The following HTR4 variants were observed in gnomAD, a reference collection of about 807,000 sequenced individuals.
The protein encoded by HTR4 is 5-hydroxytryptamine receptor 4.
Under a neutral mutation model 36.8 loss-of-function variants are expected in HTR4, and 16 were observed. The observed-to-expected ratio is 0.43, with a 90% CI of 0.29 to 0.66. The LOEUF is 0.66. Among genes scored for constraint, HTR4 ranks in the 30% least tolerant of loss-of-function variants. The pLI, the probability that HTR4 is intolerant of heterozygous loss-of-function variation, is 0.13. For synonymous variants in HTR4, 189 were observed against 185.1 expected, an observed-to-expected ratio of 1.02 and a Z score of -0.17; for missense variants, 438 against 490.9, an observed-to-expected ratio of 0.89 and a Z score of 1.02.
rs1761606155 is a variant in HTR4 at position 148,592,356 on chromosome 5, CA to C, written c.27-42095del. Among the ~76,000 whole-genome samples the C allele has an allele frequency of 1.3e-5, 2 of 151,934 alleles. 1 individual carries two copies. The highest frequency in any genetic ancestry group is 4.1e-4 in the South Asian group (2 of 4,824). On this transcript the variant is annotated intron_variant, in intron 2 of 6. Transcript: ENST00000377888. ...ATGCCCCATATGTTTACCTATGTAA[CA>C]AAACTTCACATGTACCCCTGAACCT...
chr5:148,598,476 C>T (rs538700857), intron 2 of HTR4, among the ~76,000 whole-genome samples: 5 of 151,862 alleles, frequency 3.3e-5, no homozygotes, highest in African/African-American at 9.7e-5. Context: ...CACTTGAACC[C>T]GGGAGATGGA....
intron 2 of HTR4, among the ~76,000 whole-genome samples, chr5:148,569,418 T>C (rs1053017659): frequency 3.9e-5 from 6 of 152,052 alleles, no homozygotes; most frequent in African/African-American, 1.4e-4. Context: ...TTAATGCCTA[T>C]GTGATGAGTT....
At chr5:148,564,522 C>A (rs1452835888) in intron 2 of HTR4, among the ~76,000 whole-genome samples, 1 of 152,066 alleles carries the variant, frequency 6.6e-6, no homozygotes, top group East Asian at 1.9e-4. Context: ...ACAAGGTAGC[C>A]CTTGCTTGAA....
intron 2 of HTR4, among the ~76,000 whole-genome samples, chr5:148,571,560 TA>T (rs1274257219): frequency 6.6e-6 from 1 of 152,118 alleles, no homozygotes; most frequent in African/African-American, 2.4e-5. Context: ...AAAGGGGTAT[TA>T]CAAGCTATTT....
At chr5:148,643,071 A>C (rs780763440) in intron 1 of HTR4, among the ~76,000 whole-genome samples, 1 of 152,234 alleles carries the variant, frequency 6.6e-6, no homozygotes, top group Non-Finnish European at 1.5e-5. Flanking sequence ...TAAAAAGTTT[A>C]TAGCCATTTC....
chr5:148,495,706 T>A (rs567237358), intron 6 of HTR4, among the ~76,000 whole-genome samples: 40 of 152,264 alleles, frequency 2.6e-4, no homozygotes, highest in African/African-American at 8.9e-4. Context: ...GTCTTCCAAG[T>A]GGGGAGAGAG....
intron 4 of HTR4, among the ~76,000 whole-genome samples, 155 bp from the exon 5 acceptor site, chr5:148,523,501 G>A (rs757324943): frequency 3.3e-5 from 5 of 151,792 alleles, no homozygotes; most frequent in Non-Finnish European, 5.9e-5. Context: ...AGGGGAAGCA[G>A]AGAATAAAAA....
rs58003522 is a variant in HTR4 at position 148,600,976 on chromosome 5, C to CAAA, written c.26+36010_26+36012dup. On this transcript the variant is annotated intron_variant, in intron 2 of 6. Transcript: ENST00000377888. ...ATGAGGAACTCCCACAACTCAATAG[C>CAAA]AAAAAAAAAAAAAAAAAAAAAAAAA... Among the ~76,000 whole-genome samples the CAAA allele has an allele frequency of 8.1e-4, 11 of 13,550 alleles. 1 individual carries two copies. The highest frequency in any genetic ancestry group is 1.0e-3 in the Non-Finnish European group (8 of 7,714). The allele number at this position is 13,550 out of a possible 152,430, so 8.9% of individuals were successfully genotyped here.
chr5:148,548,431 CT>C (rs1461603143), intron 4 of HTR4, among the ~76,000 whole-genome samples: 16 of 152,142 alleles, frequency 1.1e-4, no homozygotes, highest in South Asian at 2.1e-4. Context: ...AGATTGCAAT[CT>C]CCTTGCAGAC....
At chr5:148,622,016 A>C (rs1370010587) in intron 2 of HTR4, among the ~76,000 whole-genome samples, 1 of 152,126 alleles carries the variant, frequency 6.6e-6, no homozygotes, top group East Asian at 1.9e-4. Flanking sequence ...GCCAATTTGC[A>C]TTCCAGCTTT....
intron 4 of HTR4, among the ~76,000 whole-genome samples, chr5:148,535,376 C>T (rs979868190): frequency 6.6e-6 from 1 of 152,158 alleles, no homozygotes; most frequent in African/African-American, 2.4e-5. Context: ...GAGTTCTTAA[C>T]CAGGCTGAGC....
At chr5:148,620,097 G>A (rs775521881) in intron 2 of HTR4, among the ~76,000 whole-genome samples, 1 of 152,196 alleles carries the variant, frequency 6.6e-6, no homozygotes, top group Non-Finnish European at 1.5e-5. Flanking sequence ...AGGGCTGGAT[G>A]TTCACCTGGG....
chr5:148,575,362 C>A (rs973919954), intron 2 of HTR4, among the ~76,000 whole-genome samples: 1 of 152,052 alleles, frequency 6.6e-6, no homozygotes, highest in Non-Finnish European at 1.5e-5. Flanking sequence ...CTCCCTTCTC[C>A]CTTTCTTTCT....
At chr5:148,500,902 G>A (rs1756908661) in intron 6 of HTR4, among the ~76,000 whole-genome samples, 1 of 152,074 alleles carries the variant, frequency 6.6e-6, no homozygotes, top group Non-Finnish European at 1.5e-5. Flanking sequence ...TCACAGATGA[G>A]AATGCAAATT....
intron 4 of HTR4, among the ~76,000 whole-genome samples, chr5:148,543,239 G>A (rs1219637661): frequency 6.6e-6 from 1 of 152,188 alleles, no homozygotes; most frequent in African/African-American, 2.4e-5. Flanking sequence ...GGGACAGATA[G>A]AAAGAGAGGA....
intron 5 of HTR4, among the ~76,000 whole-genome samples, chr5:148,453,593 T>C (rs962145018): frequency 3.9e-5 from 6 of 152,094 alleles, no homozygotes; most frequent in Non-Finnish European, 5.9e-5. Context: ...GCCTGGCATA[T>C]CTGAAGAACC....
At chr5:148,514,319 A>G (rs563067041) in intron 5 of HTR4, among the ~76,000 whole-genome samples, 21 of 152,286 alleles carry the variant, frequency 1.4e-4, no homozygotes, top group African/African-American at 4.6e-4. Context: ...GTGAATGGGT[A>G]TTGAATTTTG....
exon 6 of HTR4, chr5:148,451,245 A>G (rs1483898456): frequency 1.2e-6 from 2 of 1,613,870 alleles, no homozygotes; most frequent in Admixed American, 1.7e-5. Flanking sequence ...CGAGTTCCTG[A>G]TGATGTCCCC....
chr5:148,556,183 C>A (rs1199103870), intron 2 of HTR4, among the ~76,000 whole-genome samples: 2 of 152,120 alleles, frequency 1.3e-5, no homozygotes, highest in African/African-American at 2.4e-5. Flanking sequence ...GCCACCACAC[C>A]CAGCTAATTT....
Sources: allele counts gnomAD v4.1 joint callset (sites outside exome capture counted in the v4.1 genomes callset), GRCh38; gene constraint gnomAD v4.1.1; transcripts MANE v1.5; gene names NCBI Gene and HGNC (gene_info 2026-07-23, HGNC 2026-07-21).